The following ATAD3B variants were observed in gnomAD, a reference collection of about 807,000 sequenced individuals.
The protein encoded by ATAD3B is ATPase family AAA domain-containing protein 3B.
Under a neutral mutation model 70.2 loss-of-function variants are expected in ATAD3B, and 59 were observed. The observed-to-expected ratio is 0.84, with a 90% CI of 0.68 to 1.04. ATAD3B has a LOEUF of 1.04. Among genes scored for constraint, ATAD3B ranks in the 50% least tolerant of loss-of-function variants. ATAD3B has a pLI of 0.00. For synonymous variants in ATAD3B, 423 were observed against 388.6 expected (o/e 1.09, Z -1.04); for missense variants, 961 against 913.4 (o/e 1.05, Z -0.67).
At chr1:1,487,252 G>A (rs1640269355) in intron 11 of ATAD3B, among the ~76,000 whole-genome samples, 1 of 151,842 alleles carries the variant, frequency 6.6e-6, no homozygotes, top group African/African-American at 2.4e-5. Flanking sequence ...GACTTTCGGA[G>A]GCGGAGGCAG....
rs1557437527 is a variant in ATAD3B at position 1,496,962 on chromosome 1, C to T, written c.*1145C>T. The T allele has an allele frequency of 7.3e-6, 1 of 136,478 alleles. No homozygotes were observed. The highest frequency in any genetic ancestry group is 1.5e-5 in the Non-Finnish European group (1 of 67,704). The allele number at this position is 136,478 out of a possible 1,614,324, so 8.5% of individuals were successfully genotyped here. On this transcript the variant is annotated 3_prime_UTR_variant, in exon 16 of 16. Coordinates refer to ENST00000673477, the MANE Select transcript of ATAD3B (RefSeq NM_031921.6). Reference sequence around the variant, plus strand: ...GGGGTGCAGGGGTGGTTGGGGGAATCACAGCAACGAGACAGCACAGTGCCA... The same window carrying T: ...GGGGTGCAGGGGTGGTTGGGGGAATTACAGCAACGAGACAGCACAGTGCCA...
At chr1:1,474,037 G>T (rs1639464959) in intron 1 of ATAD3B, among the ~76,000 whole-genome samples, 1 of 151,904 alleles carries the variant, frequency 6.6e-6, no homozygotes, top group Non-Finnish European at 1.5e-5. Context: ...GTCCTAGCTG[G>T]GCACCACCGA....
chr1:1,478,438 T>G (rs1406775397), intron 2 of ATAD3B: 18 of 1,503,616 alleles, frequency 1.2e-5, no homozygotes, highest in East Asian at 3.2e-5. Flanking sequence ...TTCGCAGGCT[T>G]CTCTGCTGGT....
intron 2 of ATAD3B, chr1:1,478,178 G>C (rs1639696719): frequency 3.6e-6 from 1 of 277,564 alleles, no homozygotes. Flanking sequence ...TGTATTTTTA[G>C]TAGAGAAGGG....
At chr1:1,489,938 C>T (rs1640441208) in intron 13 of ATAD3B, 1 of 1,245,244 alleles carries the variant, frequency 8.0e-7, no homozygotes, top group South Asian at 1.5e-5. Flanking sequence ...TCCCTGCTCC[C>T]AGCACAGCGG....
chr1:1,477,554 T>C (rs1425318393), intron 2 of ATAD3B, among the ~76,000 whole-genome samples: 1 of 151,066 alleles, frequency 6.6e-6, no homozygotes, highest in African/African-American at 2.4e-5. Context: ...AGAGGGAGGG[T>C]CAGTGTTGGT....
At position 1,490,590 on chromosome 1, in the gene ATAD3B, C is replaced by G. The variant is rs530433509; in HGVS notation, c.1533C>G (p.Tyr511Ter). 2.5e-6 allele frequency: 4 copies of G among 1,610,682 alleles called. No individual in the cohort carries two copies. Among genetic ancestry groups the G allele is most frequent in the Non-Finnish European group, 3.4e-6 (4 of 1,178,864 alleles). The change falls in exon 15 of 16, where the codon TAC (tyrosine) becomes TAG (stop). Residue 511 changes from tyrosine (Y) to a stop codon, truncating the protein, a stop_gained. Transcript: ENST00000673477. LOFTEE classifies it high-confidence loss of function. ...KRRLKLAQFD[Y>*]GRKCSEVARL... ...GCCTGAAGCTGGCCCAGTTTGACTA[C>G]GGGAGGAAGTGCTCGGAGGTCGCTC...
intron 1 of ATAD3B, among the ~76,000 whole-genome samples, chr1:1,475,244 T>TC (rs572303323): frequency 0.046 from 6,774 of 148,314 alleles, 658 homozygotes; most frequent in African/African-American, 0.16. Context: ...GGCTTTTGTT[T>TC]CTGTGGATTG....
intron 1 of ATAD3B, among the ~76,000 whole-genome samples, chr1:1,475,508 G>A (rs1197227824): frequency 6.6e-6 from 1 of 151,936 alleles, no homozygotes; most frequent in Non-Finnish European, 1.5e-5. Flanking sequence ...AGGCAAACGG[G>A]CGGCTCCTCC....
chr1:1,509,454 C>A, the ATAD3B span: 30 of 1,589,578 alleles, frequency 1.9e-5, no homozygotes. Flanking sequence ...AATAAAGTCC[C>A]ACGGGGGCCG....
chr1:1,495,995 C>G lies in ATAD3B; in HGVS notation c.*178C>G. 9 of 1,354,446 alleles carry G rather than the reference C, an allele frequency of 6.6e-6. No individual in the cohort carries two copies. Among genetic ancestry groups the G allele is most frequent in the Non-Finnish European group, 8.5e-6 (9 of 1,055,026 alleles). 83.9% of individuals were successfully genotyped at this position (1,354,446 alleles called of 1,614,324 possible). A position where few individuals can be genotyped will look rare whatever the true frequency, so the allele number is the denominator to read the frequency against. ...GCAGAAGGAGTGGGGCAGGCGGGGT[C>G]TTTGTTCTCGGCTCCCACAGCAGAG... is the stretch of plus-strand genomic sequence containing the variant. On this transcript the variant is annotated 3_prime_UTR_variant, in exon 16 of 16. Coordinates refer to ENST00000673477, the MANE Select transcript of ATAD3B (RefSeq NM_031921.6).
rs916602745 is a variant in ATAD3B at position 1,479,348 on chromosome 1, C to T, written c.444+240C>T. 6.1e-5 allele frequency among the ~76,000 whole-genome samples: 9 copies of T among 147,348 alleles called. 1 individual carries two copies. The highest frequency in any genetic ancestry group is 1.8e-4 in the African/African-American group (7 of 39,394). On this transcript the variant is annotated intron_variant, in intron 4 of 15. Coordinates refer to ENST00000673477, the MANE Select transcript of ATAD3B (RefSeq NM_031921.6). ...CCTGCCCACACAGACACACACTCCT[C>T]GCACACACACTCCCGGCAGACAGGC... is the stretch of plus-strand genomic sequence containing the variant.
chr1:1,485,066 G>A lies in ATAD3B; in HGVS notation c.801G>A (p.Ala267=), dbSNP rs1367272524. Residue 267 remains alanine, a synonymous_variant, in exon 8 of 16, where the codon GCG becomes GCA. Transcript: ENST00000673477. ...TCGGGGTCTACTCAGCCAAGAATGC[G>A]ACAGCCGTCACTGGCCGCTTCATCG... The part of the protein sequence containing the change: ...LAVGVYSAKN[A]TAVTGRFIEA... 3.1e-6 allele frequency: 5 copies of A among 1,607,242 alleles called. No homozygotes were observed. The highest frequency in any genetic ancestry group is 3.4e-5 in the Admixed American group (2 of 59,550).
intron 1 of ATAD3B, 110 bp from the exon 2 acceptor site, chr1:1,477,164 G>A (rs1216591946): frequency 9.9e-6 from 14 of 1,418,598 alleles, no homozygotes; most frequent in African/African-American, 4.3e-5. Flanking sequence ...GTGAACCACC[G>A]CTTCCCACTA....
chr1:1,489,167 G>GC (rs770879329), intron 12 of ATAD3B, 37 bp from the exon 13 acceptor site: 4 of 1,612,616 alleles, frequency 2.5e-6, no homozygotes, highest in Non-Finnish European at 3.4e-6. Context: ...ACAAGGCTTT[G>GC]CTTCTGGTGC....
chr1:1,492,159 C>G (rs1312552761), intron 15 of ATAD3B, among the ~76,000 whole-genome samples: 1 of 151,866 alleles, frequency 6.6e-6, no homozygotes, highest in African/African-American at 2.4e-5. Context: ...GCACTCCAGC[C>G]TGGGTTACAG....
At chr1:1,479,968 A>T (rs376808354) in intron 4 of ATAD3B, among the ~76,000 whole-genome samples, 1 of 138,432 alleles carries the variant, frequency 7.2e-6, no homozygotes, top group Non-Finnish European at 1.6e-5. Context: ...ACACCCCACC[A>T]CACACACACA....
intron 11 of ATAD3B, among the ~76,000 whole-genome samples, chr1:1,487,249 G>A (rs543733723): frequency 4.6e-5 from 7 of 151,828 alleles, no homozygotes; most frequent in Non-Finnish European, 7.4e-5. Context: ...CCAGACTTTC[G>A]GAGGCGGAGG....
chr1:1,497,241 T>TA lies in ATAD3B; in HGVS notation c.*1425dup, dbSNP rs1230019359. 1.3e-5 allele frequency: 2 copies of TA among 151,052 alleles called. No homozygotes were observed. The highest frequency in any genetic ancestry group is 3.9e-4 in the East Asian group (2 of 5,104). The allele number at this position is 151,052 out of a possible 1,614,324, so 9.4% of individuals were successfully genotyped here. A position where few individuals can be genotyped will look rare whatever the true frequency, so the allele number is the denominator to read the frequency against. On this transcript the variant is annotated 3_prime_UTR_variant, in exon 16 of 16. Coordinates refer to ENST00000673477, the MANE Select transcript of ATAD3B (RefSeq NM_031921.6). Reference sequence around the variant, plus strand: ...CTTTTTCCTTTTAGAGATGGGTTCTTACTCTGAGCCCAGGCTGGAGTGCAG... The same window carrying TA: ...CTTTTTCCTTTTAGAGATGGGTTCTTAACTCTGAGCCCAGGCTGGAGTGCAG...
Sources: allele counts gnomAD v4.1 joint callset (sites outside exome capture counted in the v4.1 genomes callset), GRCh38; gene constraint gnomAD v4.1.1; transcripts MANE v1.5; gene names NCBI Gene and HGNC (gene_info 2026-07-23, HGNC 2026-07-21).